The following MPHOSPH6 variants were observed in gnomAD, a reference collection of about 807,000 sequenced individuals.
MPHOSPH6 encodes the protein M-phase phosphoprotein 6.
Under a neutral mutation model 21.8 loss-of-function variants are expected in MPHOSPH6, and 25 were observed. The observed-to-expected ratio is 1.15, with a 90% confidence interval of 0.83 to 1.60. MPHOSPH6 has a LOEUF of 1.60. MPHOSPH6 is among the 40% of genes most tolerant of loss of function. MPHOSPH6 has a pLI of 0.00. For missense variants in MPHOSPH6, 269 were observed against 181.8 expected, an observed-to-expected ratio of 1.48 and a Z score of -2.76; for synonymous variants, 84 against 56.5, an observed-to-expected ratio of 1.49 and a Z score of -2.18.
At chr16:82,151,599 A>G (rs549178707) in intron 2 of MPHOSPH6, 85 bp from the exon 3 acceptor site, 1 of 1,442,872 alleles carries the variant, frequency 6.9e-7, no homozygotes, top group Non-Finnish European at 9.2e-7. Context: ...AAAATAATCA[A>G]CCTATGGTTC....
intron 2 of MPHOSPH6, among the ~76,000 whole-genome samples, chr16:82,154,263 C>T (rs1305432080): frequency 6.6e-6 from 1 of 152,210 alleles, no homozygotes; most frequent in Non-Finnish European, 1.5e-5. Flanking sequence ...AAAGGCCACA[C>T]CTTAGGAGTA....
At chr16:82,158,189 A>C (rs943959160) in intron 2 of MPHOSPH6, among the ~76,000 whole-genome samples, 1 of 152,060 alleles carries the variant, frequency 6.6e-6, no homozygotes, top group African/African-American at 2.4e-5. Context: ...TTGAAACTCT[A>C]TATATAAGAT....
intron 2 of MPHOSPH6, 168 bp downstream of exon 2, chr16:82,163,914 C>A: frequency 3.7e-6 from 2 of 538,942 alleles, no homozygotes; most frequent in Non-Finnish European, 6.4e-6. Context: ...TGTATAAATC[C>A]ATGTACAACT....
At chr16:82,157,938 T>C (rs771742915) in intron 2 of MPHOSPH6, among the ~76,000 whole-genome samples, 3 of 152,216 alleles carry the variant, frequency 2.0e-5, no homozygotes, top group Non-Finnish European at 4.4e-5. Context: ...TAAGATGTCA[T>C]CTTTTACTGT....
chr16:82,168,584 C>T (rs1174337184), intron 1 of MPHOSPH6, among the ~76,000 whole-genome samples: 1 of 151,946 alleles, frequency 6.6e-6, no homozygotes, highest in African/African-American at 2.4e-5. Flanking sequence ...GATCCTCCCA[C>T]CTCAGCCTCC....
intron 1 of MPHOSPH6, among the ~76,000 whole-genome samples, chr16:82,165,784 T>C (rs1050667174): frequency 3.3e-5 from 1 of 30,166 alleles, no homozygotes. Context: ...GGCTATACCA[T>C]CCAGGTTTGC....
In MPHOSPH6 at chr16:82,151,466, G is replaced by A. The variant is rs764582347; in HGVS notation, c.213C>T (p.Leu71=). ...ATCCTCTGAATGACATTCTTCCATA[G>A]AGAAGATCTTCACATAGTAAGAAAC... ...EQSFLLCEDL[L]YGRMSFRGFN... Residue 71 remains leucine, a synonymous_variant, in exon 3 of 5, where the codon CTC becomes CTT. Transcript: ENST00000258169. The A allele has an allele frequency of 2.4e-5, 38 of 1,606,608 alleles. No homozygotes were observed. The highest frequency in any genetic ancestry group is 1.7e-4 in the Middle Eastern group (1 of 5,990).
intron 2 of MPHOSPH6, among the ~76,000 whole-genome samples, chr16:82,158,424 G>A (rs559940557): frequency 1.3e-4 from 20 of 148,214 alleles, no homozygotes; most frequent in Admixed American, 4.9e-4. Context: ...GTGTGAACCC[G>A]GGAGGTGGAG....
At chr16:82,160,001 A>C (rs1906556480) in intron 2 of MPHOSPH6, among the ~76,000 whole-genome samples, 1 of 152,176 alleles carries the variant, frequency 6.6e-6, no homozygotes, top group African/African-American at 2.4e-5. Context: ...AGCACCATAC[A>C]TCAAAGCTTT....
chr16:82,157,887 AGAG>A (rs541659459), intron 2 of MPHOSPH6, among the ~76,000 whole-genome samples: 3 of 152,340 alleles, frequency 2.0e-5, no homozygotes, highest in African/African-American at 7.2e-5. Context: ...GAGACAATGC[AGAG>A]TAGTAGCAGG....
At chr16:82,165,496 CA>C (rs989284680) in intron 1 of MPHOSPH6, among the ~76,000 whole-genome samples, 9 of 152,144 alleles carry the variant, frequency 5.9e-5, no homozygotes, top group Non-Finnish European at 7.3e-5. Flanking sequence ...AGCACTTTAA[CA>C]ATGACTACTA....
At chr16:82,161,911 TA>T (rs2142414556) in intron 2 of MPHOSPH6, among the ~76,000 whole-genome samples, 1 of 152,268 alleles carries the variant, frequency 6.6e-6, no homozygotes, top group Non-Finnish European at 1.5e-5. Flanking sequence ...CGGCTGACAT[TA>T]AAAATGGGAA....
chr16:82,159,495 C>T (rs951600508), intron 2 of MPHOSPH6, among the ~76,000 whole-genome samples: 11 of 152,100 alleles, frequency 7.2e-5, no homozygotes, highest in African/African-American at 2.2e-4. Context: ...ACCTCCGCCT[C>T]CTGGATTCCA....
Position 82,149,380 on chromosome 16 carries a change from A to G in MPHOSPH6, c.279T>C (p.Ala93=). The stretch of plus-strand genomic sequence containing the variant: ...CTTCAACTTCTTCTGCTTTGTGCTT[A>G]GCATTCATCTGAAGCATCAATTTCT... ...EVEKLMLQMN[A]KHKAEEVEDE... is the part of the protein sequence containing the mutation. The change falls in exon 4 of 5, where the codon GCT becomes GCC. Residue 93 remains alanine (A), a synonymous_variant. Transcript: ENST00000258169. 6.2e-7 allele frequency: 1 copy of G among 1,612,656 alleles called. No individual in the cohort carries two copies. Among genetic ancestry groups the G allele is most frequent in the Non-Finnish European group, 8.5e-7 (1 of 1,180,004 alleles).
rs1906677188 is a variant in MPHOSPH6 at position 82,163,789 on chromosome 16, A to T, written c.164+293T>A. 1.1e-5 allele frequency: 3 copies of T among 261,484 alleles called. No homozygotes were observed. In the Admixed American group the frequency reaches 1.6e-4, roughly 14 times the overall value. The allele number at this position is 261,484 out of a possible 1,614,324, so 16.2% of individuals were successfully genotyped here. A position where few individuals can be genotyped will look rare whatever the true frequency, so the allele number is the denominator to read the frequency against. On this transcript the variant is annotated intron_variant, in intron 2 of 4. Coordinates refer to ENST00000258169, the MANE Select transcript of MPHOSPH6 (RefSeq NM_005792.2). Reference sequence around the variant, plus strand: ...ATCTTTAGAACTTAAGGTGATAGAGAGAACATTACAGCTTCCCCAAAGGTC... The same window carrying T: ...ATCTTTAGAACTTAAGGTGATAGAGTGAACATTACAGCTTCCCCAAAGGTC...
At chr16:82,158,324 T>TA (rs1484598790) in intron 2 of MPHOSPH6, among the ~76,000 whole-genome samples, 2 of 134,878 alleles carry the variant, frequency 1.5e-5, no homozygotes, top group Non-Finnish European at 3.2e-5. Context: ...CTGTCTCTAC[T>TA]AAAAAAATAC....
chr16:82,166,905 C>T (rs1470133722), intron 1 of MPHOSPH6, among the ~76,000 whole-genome samples: 1 of 152,152 alleles, frequency 6.6e-6, no homozygotes, highest in East Asian at 1.9e-4. Context: ...ATGAATCAAG[C>T]ACCTCCAGAC....
intron 1 of MPHOSPH6, among the ~76,000 whole-genome samples, chr16:82,167,934 A>T (rs187017793): frequency 3.9e-4 from 59 of 152,298 alleles, no homozygotes; most frequent in African/African-American, 1.3e-3. Context: ...AGGCACCCTA[A>T]GTGCAGCTAC....
chr16:82,157,439 T>C (rs1906463156), intron 2 of MPHOSPH6, among the ~76,000 whole-genome samples: 1 of 152,206 alleles, frequency 6.6e-6, no homozygotes, highest in South Asian at 2.1e-4. Context: ...ACAAAATTAA[T>C]CTACGGTTTA....
Sources: gnomAD v4.1 joint callset for allele counts (sites outside exome capture counted in the v4.1 genomes callset) on GRCh38, gnomAD v4.1.1 for gene constraint, MANE v1.5 for transcripts, NCBI Gene and HGNC (gene_info 2026-07-23, HGNC 2026-07-21) for gene names.